Variants in MAST4 observed in about 807,000 individuals in gnomAD.
The protein encoded by MAST4 is microtubule-associated serine/threonine-protein kinase 4.
Under a neutral mutation model 162.7 loss-of-function variants are expected in MAST4, and 89 were observed. The observed-to-expected ratio is 0.55, with a 90% CI of 0.46 to 0.65. The LOEUF is 0.65. MAST4 is among the 30% of genes least tolerant of loss of function. MAST4 has a pLI of 0.00. For synonymous variants in MAST4, 1,479 were observed against 1,361.1 expected (o/e 1.09, Z -1.91); for missense variants, 3,153 against 3,374.0 (o/e 0.93, Z 1.62).
chr5:66,961,535 A>G (rs920765660), intron 4 of MAST4, among the ~76,000 whole-genome samples: 2 of 152,238 alleles, frequency 1.3e-5, no homozygotes, highest in Non-Finnish European at 2.9e-5. Flanking sequence ...CATCAAATAT[A>G]TATTTCAGAA....
chr5:66,980,857 TG>T (rs1410708245), intron 4 of MAST4, among the ~76,000 whole-genome samples: 1 of 152,186 alleles, frequency 6.6e-6, no homozygotes, highest in East Asian at 1.9e-4. Flanking sequence ...GTAGGTATTC[TG>T]GGGCAGTCAA....
At chr5:66,984,920 TG>T (rs1749303675) in intron 4 of MAST4, among the ~76,000 whole-genome samples, 1 of 152,134 alleles carries the variant, frequency 6.6e-6, no homozygotes, top group Non-Finnish European at 1.5e-5. Flanking sequence ...TTGTTTTGTT[TG>T]TGTTGAATTT....
chr5:66,902,431 A>G (rs1052452129), intron 4 of MAST4, among the ~76,000 whole-genome samples: 1 of 152,222 alleles, frequency 6.6e-6, no homozygotes, highest in Admixed American at 6.5e-5. Flanking sequence ...GCTTAAAGGT[A>G]ACTTTTATAT....
chr5:67,144,626 CTT>C, intron 21 of MAST4, 41 bp from the exon 22 acceptor site: 1 of 1,598,604 alleles, frequency 6.3e-7, no homozygotes, highest in Non-Finnish European at 8.5e-7. Flanking sequence ...CTGACAAACT[CTT>C]TTTAGTAGAT....
intron 4 of MAST4, among the ~76,000 whole-genome samples, chr5:66,951,110 C>T (rs1265517408): frequency 6.6e-6 from 1 of 152,094 alleles, no homozygotes; most frequent in East Asian, 1.9e-4. Context: ...TATTAGAGGG[C>T]ATTTAAAAAT....
At chr5:67,041,981 T>A (rs950906998) in intron 4 of MAST4, among the ~76,000 whole-genome samples, 1 of 152,212 alleles carries the variant, frequency 6.6e-6, no homozygotes, top group African/African-American at 2.4e-5. Context: ...TGAGGCTTAG[T>A]GGGTTTGGAA....
At chr5:67,128,844 T>C (rs1002863092) in intron 14 of MAST4, among the ~76,000 whole-genome samples, 1 of 152,196 alleles carries the variant, frequency 6.6e-6, no homozygotes, top group Non-Finnish European at 1.5e-5. Context: ...CTGTGATTGA[T>C]GGCTGTTCAG....
chr5:66,653,364 A>G (rs537387968), intron 1 of MAST4, among the ~76,000 whole-genome samples: 89 of 152,242 alleles, frequency 5.8e-4, no homozygotes, highest in African/African-American at 2.1e-3. Flanking sequence ...CTTAGCGACC[A>G]TTCCACCTTT....
intron 4 of MAST4, among the ~76,000 whole-genome samples, chr5:66,976,626 G>C (rs1748175043): frequency 6.6e-6 from 1 of 152,254 alleles, no homozygotes; most frequent in Non-Finnish European, 1.5e-5. Context: ...GGTCTTTGCA[G>C]GCTCATCTGG....
chr5:66,635,573 A>G (rs1419361027), intron 1 of MAST4, among the ~76,000 whole-genome samples: 1 of 152,262 alleles, frequency 6.6e-6, no homozygotes, highest in Non-Finnish European at 1.5e-5. Flanking sequence ...CAACATGTGC[A>G]TCAAAACAAA....
At chr5:66,678,826 C>T (rs1281363444) in intron 1 of MAST4, among the ~76,000 whole-genome samples, 1 of 150,012 alleles carries the variant, frequency 6.7e-6, no homozygotes. Flanking sequence ...GAGGCTCACT[C>T]TGTCGCCCAG....
intron 4 of MAST4, among the ~76,000 whole-genome samples, chr5:67,049,046 T>TATAG (rs1757811262): frequency 1.0e-5 from 1 of 97,164 alleles, no homozygotes; most frequent in Non-Finnish European, 2.0e-5. Flanking sequence ...TATATACGTG[T>TATAG]ATATATATAT....
intron 2 of MAST4, among the ~76,000 whole-genome samples, chr5:66,778,859 T>C (rs1042970372): frequency 6.6e-6 from 1 of 152,212 alleles, no homozygotes; most frequent in Non-Finnish European, 1.5e-5. Context: ...TTCTGTATTG[T>C]AGACATGTAT....
intron 2 of MAST4, 80 bp from the exon 3 acceptor site, chr5:66,788,590 C>CTG: frequency 2.0e-6 from 2 of 1,025,494 alleles, no homozygotes; most frequent in East Asian, 3.6e-5. Flanking sequence ...CAGGAAGAGA[C>CTG]ACCCCACCCC....
At chr5:67,091,295 T>C (rs533400653) in intron 6 of MAST4, among the ~76,000 whole-genome samples, 93 of 152,348 alleles carry the variant, frequency 6.1e-4, no homozygotes, top group Middle Eastern at 3.4e-3. Context: ...ATAAATCTGA[T>C]GTAAAAAAGT....
chr5:66,947,968 C>A (rs895451293), intron 4 of MAST4, among the ~76,000 whole-genome samples: 2 of 152,074 alleles, frequency 1.3e-5, no homozygotes, highest in African/African-American at 2.4e-5. Flanking sequence ...CTTTCCCCTG[C>A]AAAATACAAA....
chr5:67,078,884 ATT>A (rs1762110545), intron 5 of MAST4, among the ~76,000 whole-genome samples: 2 of 95,794 alleles, frequency 2.1e-5, no homozygotes, highest in African/African-American at 4.3e-5. Flanking sequence ...ATATAAATAT[ATT>A]TATATATTTA....
intron 1 of MAST4, among the ~76,000 whole-genome samples, chr5:66,597,420 G>T (rs1286954443): frequency 2.0e-5 from 3 of 152,204 alleles, no homozygotes; most frequent in African/African-American, 4.8e-5. Context: ...AGGGAGTTGA[G>T]GGGGAGAAAT....
intron 4 of MAST4, among the ~76,000 whole-genome samples, chr5:66,910,043 A>G (rs1763643598): frequency 6.6e-6 from 1 of 152,202 alleles, no homozygotes; most frequent in Non-Finnish European, 1.5e-5. Context: ...TCTTTATTAG[A>G]GCATGAGAAC....
Sources: gnomAD v4.1 joint callset for allele counts (sites outside exome capture counted in the v4.1 genomes callset) on GRCh38, gnomAD v4.1.1 for gene constraint, MANE v1.5 for transcripts, NCBI Gene and HGNC (gene_info 2026-07-23, HGNC 2026-07-21) for gene names.